Variants in HMCN1 observed in about 807,000 individuals in gnomAD.
HMCN1 encodes hemicentin 1.
HMCN1 carries 321 observed loss-of-function variants against 625.9 expected under a neutral mutation model. That is an observed-to-expected ratio of 0.51 (90% CI 0.47 to 0.56). The LOEUF is 0.56. Ranked by LOEUF, HMCN1 falls within the 20% of genes least tolerant of loss-of-function variation. The probability of loss-of-function intolerance (pLI) is 0.00; values close to 1 mark genes in which losing one functional copy is unlikely to be tolerated. For missense variants in HMCN1, 6,588 were observed against 6,887.3 expected (o/e 0.96, Z 1.54); for synonymous variants, 2,425 against 2,417.6 (o/e 1.00, Z -0.09).
chr1:185,923,225 T>A (rs1027798646), intron 7 of HMCN1, among the ~76,000 whole-genome samples, 165 bp from the exon 8 acceptor site: 83 of 152,332 alleles, frequency 5.4e-4, no homozygotes, highest in African/African-American at 1.9e-3. Context: ...TAAGTTTCTC[T>A]GGTCATGCAT....
chr1:185,854,956 G>A (rs1367564027), intron 2 of HMCN1, among the ~76,000 whole-genome samples: 1 of 152,160 alleles, frequency 6.6e-6, no homozygotes, highest in East Asian at 1.9e-4. Context: ...ACGGCATGCA[G>A]AATCCATATG....
At position 185,898,343 on chromosome 1, in the gene HMCN1, C is replaced by G. The variant is rs114294279; in HGVS notation, c.622-10994C>G. On this transcript the variant is annotated intron_variant, in intron 4 of 106. Coordinates refer to ENST00000271588, the MANE Select transcript of HMCN1 (RefSeq NM_031935.3). The stretch of plus-strand genomic sequence containing the variant: ...GCAAGTCAGGAAGTTGAGAGAGAGT[C>G]CTGAACTGTTCACTCCATTACTTCC... Among the ~76,000 whole-genome samples, 750 of 152,254 alleles carry G rather than the reference C, an allele frequency of 4.9e-3. 8 individuals carry two copies. Among genetic ancestry groups the G allele is most frequent in the African/African-American group, 0.017 (720 of 41,552 alleles).
At chr1:185,959,789 C>T (rs956712463) in intron 11 of HMCN1, among the ~76,000 whole-genome samples, 15 of 151,850 alleles carry the variant, frequency 9.9e-5, no homozygotes, top group African/African-American at 3.6e-4. Context: ...TTTTTTTCCC[C>T]TAACAGGATG....
At chr1:186,170,569 T>C (rs1652164536) in intron 100 of HMCN1, among the ~76,000 whole-genome samples, 1 of 152,186 alleles carries the variant, frequency 6.6e-6, no homozygotes, top group African/African-American at 2.4e-5. Context: ...AGTGATAGAC[T>C]GGAAGGACTT....
chr1:185,922,562 A>T, intron 7 of HMCN1, 63 bp downstream of exon 7: 1 of 1,421,532 alleles, frequency 7.0e-7, no homozygotes, highest in South Asian at 1.2e-5. Flanking sequence ...TATTTCTCAG[A>T]CTGTCTATAA....
At chr1:185,874,668 A>T (rs74134312) in intron 4 of HMCN1, among the ~76,000 whole-genome samples, 2,547 of 152,060 alleles carry the variant, frequency 0.017, 74 homozygotes, top group African/African-American at 0.059. Context: ...AAAGTCATAT[A>T]CCACATAATT....
chr1:185,951,260 GTC>G (rs1668651681), intron 11 of HMCN1, among the ~76,000 whole-genome samples: 1 of 151,114 alleles, frequency 6.6e-6, no homozygotes, highest in South Asian at 2.1e-4. Context: ...TAGTTAAGGT[GTC>G]TCAGCCTAAT....
chr1:186,136,637 A>T (rs765407983), intron 86 of HMCN1, 31 bp from the exon 87 acceptor site: 2 of 1,612,226 alleles, frequency 1.2e-6, no homozygotes, highest in East Asian at 4.5e-5. Context: ...AACTCCACAA[A>T]AACTGAGACA....
At chr1:185,756,164 C>T (rs1655120215) in intron 1 of HMCN1, among the ~76,000 whole-genome samples, 1 of 152,084 alleles carries the variant, frequency 6.6e-6, no homozygotes, top group Non-Finnish European at 1.5e-5. Context: ...TTCTTTAAAA[C>T]AAGATTTTTT....
At chr1:185,794,610 T>A (rs981532167) in intron 1 of HMCN1, among the ~76,000 whole-genome samples, 29 of 146,982 alleles carry the variant, frequency 2.0e-4, no homozygotes, top group African/African-American at 7.3e-4. Context: ...CATTTTTTTT[T>A]TTTTTTTTTT....
chr1:186,039,590 G>A, intron 38 of HMCN1, 138 bp from the exon 39 acceptor site: 1 of 823,328 alleles, frequency 1.2e-6, no homozygotes, highest in Non-Finnish European at 2.1e-6. Context: ...AAATAAGAGA[G>A]ATGTGAAAGA....
At chr1:185,829,735 A>G (rs990494990) in intron 1 of HMCN1, among the ~76,000 whole-genome samples, 1 of 152,162 alleles carries the variant, frequency 6.6e-6, no homozygotes, top group Non-Finnish European at 1.5e-5. Context: ...GCATGTGTAT[A>G]GTAGAATGAT....
chr1:185,767,823 G>C (rs925280720), intron 1 of HMCN1, among the ~76,000 whole-genome samples: 5 of 152,090 alleles, frequency 3.3e-5, no homozygotes, highest in Admixed American at 3.3e-4. Flanking sequence ...ACAAGATAAA[G>C]TCAGTGATAG....
At chr1:186,096,741 A>G (rs1045670197) in intron 68 of HMCN1, among the ~76,000 whole-genome samples, 1 of 152,176 alleles carries the variant, frequency 6.6e-6, no homozygotes, top group Non-Finnish European at 1.5e-5. Context: ...ATGTTTTAAC[A>G]TACACAATCA....
chr1:185,995,146 A>G, intron 24 of HMCN1, 59 bp downstream of exon 24: 1 of 1,436,196 alleles, frequency 7.0e-7, no homozygotes, highest in Admixed American at 1.7e-5. Context: ...GAAAAGCCCT[A>G]GAGCTAAATA....
At chr1:185,997,810 C>CTT (rs71691991) in intron 25 of HMCN1, among the ~76,000 whole-genome samples, 32 of 142,300 alleles carry the variant, frequency 2.2e-4, no homozygotes, top group Admixed American at 5.6e-4. Flanking sequence ...TTATTTCATT[C>CTT]TTTTTTTTTT....
chr1:186,189,811 C>T lies in HMCN1; in HGVS notation c.16841C>T (p.Ala5614Val), dbSNP rs1184268708. The T allele has an allele frequency of 6.2e-7, 1 of 1,613,672 alleles. No individual in the cohort carries two copies. The highest frequency in any genetic ancestry group is 8.5e-7 in the Non-Finnish European group (1 of 1,179,756). The change falls in exon 107 of 107, where the codon GCC becomes GTC. Residue 5614 changes from alanine to valine, a missense_variant. Around this residue, in one of 3 missense-constraint regions of HMCN1, gnomAD observed 1,954 missense variants for 2,013.1 expected, o/e 0.97. Transcript: ENST00000271588. ...RMRVRASSYS[A>V]NGTIEYQTTF... ...AGGGTCCGAGCCTCATCCTACAGTG[C>T]CAATGGGACCATTGAATATCAGACC...
chr1:186,128,906 C>T (rs972835896), intron 83 of HMCN1, among the ~76,000 whole-genome samples: 2 of 152,038 alleles, frequency 1.3e-5, no homozygotes, highest in Non-Finnish European at 2.9e-5. Flanking sequence ...TGAAGTATTA[C>T]ACTGTTAGCA....
intron 20 of HMCN1, among the ~76,000 whole-genome samples, chr1:185,988,728 C>T (rs548470341): frequency 6.6e-6 from 1 of 152,312 alleles, no homozygotes; most frequent in South Asian, 2.1e-4. Flanking sequence ...TCAACCCCAG[C>T]TCTACCACTG....
Sources: gnomAD v4.1 joint callset for allele counts (sites outside exome capture counted in the v4.1 genomes callset) on GRCh38, gnomAD v4.1.1 for gene constraint, gnomAD v4.1.1 regional missense constraint, MANE v1.5 for transcripts, NCBI Gene and HGNC (gene_info 2026-07-23, HGNC 2026-07-21) for gene names.